DLGAP1: variants seen among roughly 807,000 people sequenced by gnomAD.
DLGAP1 encodes DLG associated protein 1, also known as disks large-associated protein 1.
In DLGAP1, 11 loss-of-function variants were observed where a neutral mutation model predicts 90.8. The observed-to-expected ratio is 0.12, with a 90% CI of 0.08 to 0.20. The LOEUF (loss-of-function observed/expected upper bound fraction) is 0.20. Ranked by LOEUF, DLGAP1 falls within the 10% of genes least tolerant of loss-of-function variation. DLGAP1 has a pLI of 1.00. For synonymous variants in DLGAP1, 558 were observed against 540.7 expected (o/e 1.03, Z -0.44); for missense variants, 1,050 against 1,333.8 (o/e 0.79, Z 3.31).
chr18:3,780,180 TG>T, intron 5 of DLGAP1, among the ~76,000 whole-genome samples: 1 of 152,324 alleles, frequency 6.6e-6, no homozygotes. Flanking sequence ...ATAACTGGCA[TG>T]GGTAAAAAAT....
chr18:3,509,558 G>GT (rs2050424010), intron 10 of DLGAP1, among the ~76,000 whole-genome samples: 1 of 152,176 alleles, frequency 6.6e-6, no homozygotes, highest in African/African-American at 2.4e-5. Context: ...TTCTTAACAT[G>GT]CTCTCATGGT....
rs1476040332 is a variant in DLGAP1, at chr18:3,508,622, A to C, written c.2519T>G (p.Leu840Arg). 1 of 1,613,916 alleles carries C rather than the reference A, an allele frequency of 6.2e-7. No individual in the cohort carries two copies. The highest frequency in any genetic ancestry group is 1.1e-5 in the South Asian group (1 of 91,024). ...KIRTAVGSAQLLMAQKFYQFR... is the reference protein window; with the variant it reads ...KIRTAVGSAQRLMAQKFYQFR... ...CTGGTAGAATTTCTGGGCCATGAGA[A>C]GTTGGGCACTGCCCACTGCGGTTCG... is the stretch of plus-strand genomic sequence containing the variant. The change falls in exon 11 of 13, where the codon CTT (leucine) becomes CGT (arginine). Residue 840 changes from leucine to arginine, a missense_variant. By Grantham distance (102) the Leu-to-Arg change is moderately radical. Around this residue, in one of 2 missense-constraint regions of DLGAP1, gnomAD observed 565 missense variants for 879.7 expected, o/e 0.64. Transcript: ENST00000315677.
At chr18:3,580,663 G>A in intron 8 of DLGAP1, 1 of 1,607,962 alleles carries the variant, frequency 6.2e-7, no homozygotes, top group Non-Finnish European at 8.5e-7. Flanking sequence ...GGAGATTGCT[G>A]GGCCCGGCCC....
At position 4,217,585 on chromosome 18, in the gene DLGAP1, C is replaced by T. The variant is rs560090508; in HGVS notation, c.-266-66298G>A. On this transcript the variant is annotated intron_variant, in intron 1 of 12. Transcript: ENST00000315677. ...CGTGTATTTTCATATGCTTACTTAC[C>T]GTCTACACACACAGACACACACGCA... is the stretch of plus-strand genomic sequence containing the variant. 4.6e-5 allele frequency among the ~76,000 whole-genome samples: 7 copies of T among 151,862 alleles called. No individual in the cohort carries two copies. The East Asian group carries it at 7.8e-4, about 17-fold the overall frequency.
At chr18:3,661,161 T>C (rs531301435) in intron 7 of DLGAP1, among the ~76,000 whole-genome samples, 1 of 152,338 alleles carries the variant, frequency 6.6e-6, no homozygotes, top group East Asian at 1.9e-4. Flanking sequence ...GACTTCCAAG[T>C]AGCTGAGATT....
intron 7 of DLGAP1, among the ~76,000 whole-genome samples, chr18:3,651,671 G>A (rs2059309322): frequency 6.6e-6 from 1 of 151,078 alleles, no homozygotes; most frequent in Non-Finnish European, 1.5e-5. Context: ...GTTCACGCCT[G>A]TAATCCCAGC....
At chr18:3,935,575 C>T (rs868057006) in intron 3 of DLGAP1, among the ~76,000 whole-genome samples, 7 of 152,296 alleles carry the variant, frequency 4.6e-5, no homozygotes, top group Middle Eastern at 3.4e-3. Context: ...TCCTGATCAC[C>T]AAGAAGACAT....
chr18:4,114,525 T>C (rs1461559179), intron 2 of DLGAP1, among the ~76,000 whole-genome samples: 1 of 152,132 alleles, frequency 6.6e-6, no homozygotes, highest in African/African-American at 2.4e-5. Context: ...TCTTTAGAGT[T>C]TTGTAGGTAT....
intron 8 of DLGAP1, chr18:3,580,740 C>A: frequency 6.2e-7 from 1 of 1,613,562 alleles, no homozygotes; most frequent in Non-Finnish European, 8.5e-7. Flanking sequence ...GACAGCCACG[C>A]ACCATCCCCT....
Position 3,560,044 on chromosome 18 carries a change from CAT to C in DLGAP1, c.2057+7444_2057+7445del, listed in dbSNP as rs528952301. Among the ~76,000 whole-genome samples the C allele has an allele frequency of 2.0e-5, 3 of 152,242 alleles. No homozygotes were observed. In the South Asian group the frequency reaches 6.2e-4, roughly 32 times the overall value. On this transcript the variant is annotated intron_variant, in intron 9 of 12. Transcript: ENST00000315677. ...ATTGCTGCCATTCATTTCATTTATACATGAGTAAGTAAATGTACATATATTTA... is the reference window on the plus strand; with the variant it reads ...ATTGCTGCCATTCATTTCATTTATACGAGTAAGTAAATGTACATATATTTA...
intron 1 of DLGAP1, among the ~76,000 whole-genome samples, chr18:4,426,730 C>T (rs532754525): frequency 2.6e-5 from 4 of 152,246 alleles, no homozygotes; most frequent in South Asian, 4.1e-4. Context: ...GAACAAAATA[C>T]GATCTCAGCA....
chr18:4,228,862 T>A (rs28806214), intron 1 of DLGAP1, among the ~76,000 whole-genome samples: 7,333 of 151,714 alleles, frequency 0.048, 219 homozygotes, highest in African/African-American at 0.068. Flanking sequence ...AAAAAAATTT[T>A]AAAAAAAGGG....
chr18:3,778,247 C>A (rs1053276715), intron 5 of DLGAP1, among the ~76,000 whole-genome samples: 2 of 152,064 alleles, frequency 1.3e-5, no homozygotes, highest in African/African-American at 2.4e-5. Context: ...TCAAGACCAG[C>A]CTGGCCAACA....
chr18:3,568,775 C>T (rs181856861), intron 8 of DLGAP1, among the ~76,000 whole-genome samples: 2 of 151,916 alleles, frequency 1.3e-5, no homozygotes, highest in African/African-American at 2.4e-5. Flanking sequence ...CAAGCTCCGC[C>T]TCCCAGGTTC....
intron 2 of DLGAP1, among the ~76,000 whole-genome samples, chr18:4,124,658 T>G (rs2076205108): frequency 6.6e-6 from 1 of 152,248 alleles, no homozygotes; most frequent in African/African-American, 2.4e-5. Flanking sequence ...TAAAAATGAT[T>G]CATTCAATAC....
intron 11 of DLGAP1, among the ~76,000 whole-genome samples, chr18:3,507,431 G>T (rs945343774): frequency 6.6e-6 from 1 of 152,060 alleles, no homozygotes; most frequent in African/African-American, 2.4e-5. Flanking sequence ...CAGGAGAATC[G>T]CTTGAACCTG....
chr18:3,922,801 C>T (rs752029856), intron 3 of DLGAP1, among the ~76,000 whole-genome samples: 1 of 152,068 alleles, frequency 6.6e-6, no homozygotes, highest in Non-Finnish European at 1.5e-5. Context: ...ATTTAGGTAG[C>T]TTCAGATTTA....
intron 8 of DLGAP1, chr18:3,580,775 T>G: frequency 6.2e-7 from 1 of 1,610,366 alleles, no homozygotes; most frequent in Non-Finnish European, 8.5e-7. Context: ...GACTTTGCAG[T>G]GTGCATGGTC....
intron 4 of DLGAP1, among the ~76,000 whole-genome samples, chr18:3,852,478 G>T (rs1195450088): frequency 2.6e-5 from 4 of 152,184 alleles, no homozygotes; most frequent in Non-Finnish European, 5.9e-5. Flanking sequence ...CTTTGAGCCT[G>T]CCAGGATTTG....
Sources: allele counts gnomAD v4.1 joint callset (sites outside exome capture counted in the v4.1 genomes callset), GRCh38; gene constraint gnomAD v4.1.1; regional missense constraint gnomAD v4.1.1; transcripts MANE v1.5; gene names NCBI Gene and HGNC (gene_info 2026-07-23, HGNC 2026-07-21).